Variants in TRPA1 observed in about 807,000 individuals in gnomAD.
The protein encoded by TRPA1 is ankyrin-like with transmembrane domains 1.
In TRPA1, 129 loss-of-function variants were observed where a neutral mutation model predicts 131.3. The ratio of observed to expected loss-of-function variants is 0.98; its 90% CI spans 0.85 to 1.14. TRPA1 has a LOEUF of 1.14. Among genes scored for constraint, TRPA1 ranks in the 50% most tolerant of loss-of-function variants. The pLI, the probability that TRPA1 is intolerant of heterozygous loss-of-function variation, is 0.00. For missense variants in TRPA1, 1,304 were observed against 1,354.2 expected (o/e 0.96, Z 0.58); for synonymous variants, 441 against 451.7 (o/e 0.98, Z 0.30).
intron 10 of TRPA1, 144 bp from the exon 11 acceptor site, chr8:72,055,999 T>G (rs1470272983): frequency 1.4e-6 from 1 of 713,062 alleles, no homozygotes. Flanking sequence ...CTAAAGGATT[T>G]GAGAGTAATA....
chr8:72,042,378 C>T (rs773563377), intron 17 of TRPA1, among the ~76,000 whole-genome samples: 8 of 151,796 alleles, frequency 5.3e-5, no homozygotes, highest in Non-Finnish European at 1.0e-4. Context: ...ACTTCGCATC[C>T]GTTAGGTTGG....
At chr8:72,040,304 A>G (rs938864127) in intron 17 of TRPA1, among the ~76,000 whole-genome samples, 12 of 152,144 alleles carry the variant, frequency 7.9e-5, no homozygotes, top group African/African-American at 2.9e-4. Flanking sequence ...ACTGATGCCA[A>G]CAAGGGAGCA....
At chr8:72,024,064 T>G (rs1226510637) in intron 25 of TRPA1, among the ~76,000 whole-genome samples, 153 bp from the exon 26 acceptor site, 1 of 152,004 alleles carries the variant, frequency 6.6e-6, no homozygotes, top group African/African-American at 2.4e-5. Context: ...GAAAGAGACA[T>G]GTGAAGAAAG....
At chr8:72,077,959 T>C (rs1806220726), upstream of TRPA1, among the ~76,000 whole-genome samples, 1 of 151,850 alleles carries the variant, frequency 6.6e-6, no homozygotes, top group African/African-American at 2.4e-5. Flanking sequence ...TATTATCAAA[T>C]TACAATTTGA....
chr8:72,075,859 A>AGTGTGTGTGTGTGTGTGTGTGT (rs61575164), upstream of TRPA1, among the ~76,000 whole-genome samples: 1 of 135,032 alleles, frequency 7.4e-6, no homozygotes, highest in African/African-American at 2.9e-5. Context: ...CTTGCATGTG[A>AGTGTGTGTGTGTGTGTGTGTGT]GTGTGTGTGT....
chr8:72,086,194 C>A, the TRPA1 span, among the ~76,000 whole-genome samples: 1 of 152,158 alleles, frequency 6.6e-6, no homozygotes, highest in Non-Finnish European at 1.5e-5. Flanking sequence ...AGCCACCATG[C>A]CAGGCCCTTG....
chr8:72,067,361 A>T (rs1227761339), intron 3 of TRPA1, among the ~76,000 whole-genome samples: 1 of 152,158 alleles, frequency 6.6e-6, no homozygotes, highest in Non-Finnish European at 1.5e-5. Flanking sequence ...TTTTACACAT[A>T]GTTGTGGTTG....
At chr8:72,057,383 CAG>C (rs1360388094) in intron 9 of TRPA1, among the ~76,000 whole-genome samples, 3 of 152,154 alleles carry the variant, frequency 2.0e-5, no homozygotes, top group Non-Finnish European at 4.4e-5. Flanking sequence ...GAATCTAAAA[CAG>C]GGAAAGTTAT....
chr8:72,041,013 C>T (rs562054296), intron 17 of TRPA1, among the ~76,000 whole-genome samples: 3 of 151,994 alleles, frequency 2.0e-5, no homozygotes, highest in African/African-American at 4.8e-5. Context: ...TGAAATTGAA[C>T]GGATGGAAAA....
At chr8:72,050,096 C>T (rs546898375) in intron 15 of TRPA1, among the ~76,000 whole-genome samples, 16 of 152,184 alleles carry the variant, frequency 1.1e-4, no homozygotes, top group Middle Eastern at 3.4e-3. Flanking sequence ...CTCCCCTCTC[C>T]CCCCACCCCA....
intron 17 of TRPA1, among the ~76,000 whole-genome samples, chr8:72,045,284 C>T (rs1007786535): frequency 5.3e-5 from 8 of 151,890 alleles, no homozygotes; most frequent in South Asian, 2.1e-4. Context: ...ACTTGGGTGA[C>T]GGCTGCTACC....
chr8:72,084,229 A>G, the TRPA1 span, among the ~76,000 whole-genome samples: 34 of 151,910 alleles, frequency 2.2e-4, 1 homozygote, highest in South Asian at 6.8e-3. Flanking sequence ...TTGTATTGTT[A>G]TTGTCTATTT....
chr8:72,034,844 T>G (rs1359261401), intron 21 of TRPA1, among the ~76,000 whole-genome samples: 1 of 152,218 alleles, frequency 6.6e-6, no homozygotes, highest in Non-Finnish European at 1.5e-5. Context: ...TGCCCGGCCC[T>G]AATGTTACCT....
chr8:72,083,245 T>C, the TRPA1 span, among the ~76,000 whole-genome samples: 1 of 152,224 alleles, frequency 6.6e-6, no homozygotes, highest in Admixed American at 6.5e-5. Context: ...CATCTTTATA[T>C]TAGCTGATTT....
At chr8:72,073,154 T>C (rs1806102687) in intron 1 of TRPA1, among the ~76,000 whole-genome samples, 1 of 152,192 alleles carries the variant, frequency 6.6e-6, no homozygotes, top group Admixed American at 6.5e-5. Flanking sequence ...AACTAAACCC[T>C]TTAAAACAGA....
intron 23 of TRPA1, 112 bp from the exon 24 acceptor site, chr8:72,030,081 T>C: frequency 9.9e-7 from 1 of 1,011,966 alleles, no homozygotes; most frequent in Non-Finnish European, 1.6e-6. Context: ...TTAGTCTGGG[T>C]AGTGTATAAA....
intron 20 of TRPA1, among the ~76,000 whole-genome samples, chr8:72,037,057 C>G (rs1812076045): frequency 6.6e-6 from 1 of 151,992 alleles, no homozygotes; most frequent in Non-Finnish European, 1.5e-5. Context: ...ATTTTCATTT[C>G]TGGAAAATGA....
At chr8:72,040,427 A>G (rs532392580) in intron 17 of TRPA1, among the ~76,000 whole-genome samples, 5 of 152,166 alleles carry the variant, frequency 3.3e-5, no homozygotes, top group Non-Finnish European at 5.9e-5. Context: ...TTCTGTACCC[A>G]AGGTGAGCAT....
chr8:72,030,292 C>T (rs1282371446), intron 23 of TRPA1, among the ~76,000 whole-genome samples: 1 of 152,116 alleles, frequency 6.6e-6, no homozygotes, highest in African/African-American at 2.4e-5. Flanking sequence ...GGGCTCTCCC[C>T]TCATGGCCTA....
Sources: gnomAD v4.1 joint callset for allele counts (sites outside exome capture counted in the v4.1 genomes callset) on GRCh38, gnomAD v4.1.1 for gene constraint, MANE v1.5 for transcripts, NCBI Gene and HGNC (gene_info 2026-07-23, HGNC 2026-07-21) for gene names.